ME2: variants seen among roughly 807,000 people sequenced by gnomAD.
ME2 encodes the protein malic enzyme 2, also known as NAD-dependent malic enzyme, mitochondrial.
Under a neutral mutation model 73.7 loss-of-function variants are expected in ME2, and 60 were observed. The ratio of observed to expected loss-of-function variants is 0.81; its 90% CI spans 0.66 to 1.01. The LOEUF (loss-of-function observed/expected upper bound fraction) is 1.01, where lower values mean the gene tolerates loss of function less well. Among genes scored for constraint, ME2 ranks in the 50% least tolerant of loss-of-function variants. ME2 has a pLI of 0.00. For synonymous variants in ME2, 199 were observed against 236.9 expected, an observed-to-expected ratio of 0.84 and a Z score of 1.47; for missense variants, 594 against 705.5, an observed-to-expected ratio of 0.84 and a Z score of 1.79.
intron 2 of ME2, among the ~76,000 whole-genome samples, chr18:50,896,326 TTTATG>T (rs1916744493): frequency 6.6e-6 from 1 of 152,202 alleles, no homozygotes; most frequent in Non-Finnish European, 1.5e-5. Flanking sequence ...GAAATGAACC[TTTATG>T]TAAAGTCCAC....
At chr18:50,892,207 G>A (rs591852) in intron 1 of ME2, among the ~76,000 whole-genome samples, 21,824 of 152,008 alleles carry the variant, frequency 0.14, 2,365 homozygotes, top group African/African-American at 0.31. Context: ...TAACTGTAGT[G>A]GCAAATCCTT....
intron 7 of ME2, 33 bp from the exon 8 acceptor site, chr18:50,920,422 TC>T (rs1568168867): frequency 7.2e-7 from 1 of 1,390,286 alleles, no homozygotes; most frequent in Admixed American, 2.1e-5. Context: ...AGTGTTATTT[TC>T]AACACAACTA....
chr18:50,929,279 G>T (rs1322888043), intron 12 of ME2, among the ~76,000 whole-genome samples: 1 of 151,160 alleles, frequency 6.6e-6, no homozygotes, highest in African/African-American at 2.4e-5. Flanking sequence ...AGGAGTTCAA[G>T]ATCTGCCTGG....
At chr18:50,912,688 T>G in intron 3 of ME2, 113 bp from the exon 4 acceptor site, 1 of 882,614 alleles carries the variant, frequency 1.1e-6, no homozygotes, top group Non-Finnish European at 1.6e-6. Flanking sequence ...TAGAATGTGA[T>G]GTGAGAATGG....
intron 1 of ME2, among the ~76,000 whole-genome samples, chr18:50,888,791 A>G (rs1396204139): frequency 3.9e-5 from 6 of 152,208 alleles, no homozygotes; most frequent in Non-Finnish European, 7.3e-5. Flanking sequence ...GTGGTATTAT[A>G]CTAAATATAT....
At chr18:50,942,327 A>G (rs528798401) in intron 15 of ME2, among the ~76,000 whole-genome samples, 2 of 152,292 alleles carry the variant, frequency 1.3e-5, no homozygotes, top group South Asian at 2.1e-4. Flanking sequence ...TTTGTTTACT[A>G]TCTGACACTG....
rs1019789411 is a variant in ME2, at chr18:50,939,568, A to T, written c.1418-2A>T. 6.2e-7 allele frequency: 1 copy of T among 1,605,188 alleles called. No homozygotes were observed. On this transcript the variant is annotated splice_acceptor_variant, in intron 13 of 15. Coordinates refer to ENST00000321341, the MANE Select transcript of ME2 (RefSeq NM_002396.5). LOFTEE classifies it high-confidence loss of function. ...ACTAGTAAACTTTAAAATGTGTTCTAGGTGTGGCTTTAGCTGTTATTCTCT... is the reference window on the plus strand; with the variant it reads ...ACTAGTAAACTTTAAAATGTGTTCTTGGTGTGGCTTTAGCTGTTATTCTCT...
rs763541212 is a variant in ME2, at chr18:50,940,379, C to G, written c.1580C>G (p.Ala527Gly). Residue 527 changes from alanine to glycine, a missense_variant, in exon 15 of 16, where the codon GCT becomes GGT. Ala to Gly is a moderately conservative substitution (Grantham distance 60, BLOSUM62 0). Coordinates refer to ENST00000321341, the MANE Select transcript of ME2 (RefSeq NM_002396.5). ...ATTCAGGAAGTTTCTATTAACATTG[C>G]TATTAAAGTAAGTAATAACTTAAAC... ...ANIQEVSINI[A>G]IKVTEYLYAN... 1.3e-6 allele frequency: 2 copies of G among 1,575,900 alleles called. No individual in the cohort carries two copies. The highest frequency in any genetic ancestry group is 2.3e-5 in the South Asian group (2 of 87,166).
At chr18:50,926,364 G>A (rs1917553799) in intron 12 of ME2, among the ~76,000 whole-genome samples, 1 of 152,082 alleles carries the variant, frequency 6.6e-6, no homozygotes, top group African/African-American at 2.4e-5. Flanking sequence ...GTAAAAGTTG[G>A]TAAATACTTG....
At chr18:50,902,087 C>T (rs1013243282) in intron 2 of ME2, among the ~76,000 whole-genome samples, 7 of 152,112 alleles carry the variant, frequency 4.6e-5, no homozygotes, top group African/African-American at 1.7e-4. Context: ...CATAGATTGC[C>T]AGAACTAAAA....
chr18:50,900,946 C>T (rs1055200819), intron 2 of ME2, among the ~76,000 whole-genome samples: 5 of 152,140 alleles, frequency 3.3e-5, no homozygotes, highest in Admixed American at 6.5e-5. Context: ...CTTGGTATTT[C>T]GTCATAGCAG....
intron 1 of ME2, among the ~76,000 whole-genome samples, chr18:50,890,086 T>G (rs138664173): frequency 6.6e-6 from 1 of 152,238 alleles, no homozygotes; most frequent in Admixed American, 6.5e-5. Flanking sequence ...TCCTCACTCT[T>G]TGATAGAAAA....
At chr18:50,927,101 A>T (rs1156587711) in intron 12 of ME2, among the ~76,000 whole-genome samples, 1 of 152,208 alleles carries the variant, frequency 6.6e-6, no homozygotes, top group African/African-American at 2.4e-5. Flanking sequence ...TTATAGCCCA[A>T]TTACAAATAT....
At chr18:50,883,141 CAT>C (rs1916363570) in intron 1 of ME2, among the ~76,000 whole-genome samples, 1 of 152,170 alleles carries the variant, frequency 6.6e-6, no homozygotes, top group African/African-American at 2.4e-5. Context: ...CAGTCAAAAA[CAT>C]GTCCTAAACT....
rs761348713 is a variant in ME2, at chr18:50,925,753, C to T, written c.1172-3C>T. On this transcript the variant is annotated splice_polypyrimidine_tract_variant and splice_region_variant and intron_variant, in intron 11 of 15. Transcript: ENST00000321341. ...TGCTGTTTTTCCCCCTTACTTATTA[C>T]AGGAGTTGCAGGTGCTGGCCGTCTT... 12 of 1,613,078 alleles carry T rather than the reference C, an allele frequency of 7.4e-6. No homozygotes were observed. The highest frequency in any genetic ancestry group is 1.1e-5 in the South Asian group (1 of 91,036).
intron 10 of ME2, among the ~76,000 whole-genome samples, chr18:50,921,816 C>T (rs1045771362): frequency 6.6e-6 from 1 of 152,120 alleles, no homozygotes; most frequent in Non-Finnish European, 1.5e-5. Context: ...AGCATGTGCT[C>T]CTGAAACCAA....
In ME2 at chr18:50,939,407, G is replaced by A. The variant is rs186616627; in HGVS notation, c.1418-163G>A. The A allele has an allele frequency of 1.0e-3, 522 of 510,100 alleles. 4 individuals carry two copies. The highest frequency in any genetic ancestry group is 8.9e-3 in the South Asian group (291 of 32,774). The allele number at this position is 510,100 out of a possible 1,614,324, so 31.6% of individuals were successfully genotyped here. Reference sequence around the variant, plus strand: ...TAGCGAATAAGAATTATTAAAGATCGTTTGATTTTAACTCAGATTTCTGTT... The same window carrying A: ...TAGCGAATAAGAATTATTAAAGATCATTTGATTTTAACTCAGATTTCTGTT... On this transcript the variant is annotated intron_variant, in intron 13 of 15. Transcript: ENST00000321341.
At chr18:50,895,552 T>C (rs547891759) in intron 1 of ME2, among the ~76,000 whole-genome samples, 27 of 152,322 alleles carry the variant, frequency 1.8e-4, no homozygotes, top group African/African-American at 6.3e-4. Flanking sequence ...GCCACACTTG[T>C]GTGACTAGAA....
At chr18:50,929,657 A>G (rs906905686) in intron 12 of ME2, among the ~76,000 whole-genome samples, 4 of 152,108 alleles carry the variant, frequency 2.6e-5, no homozygotes, top group African/African-American at 9.7e-5. Flanking sequence ...ATCAATCACA[A>G]AATCACCATA....
Sources: allele counts gnomAD v4.1 joint callset (sites outside exome capture counted in the v4.1 genomes callset), GRCh38; gene constraint gnomAD v4.1.1; transcripts MANE v1.5; gene names NCBI Gene and HGNC (gene_info 2026-07-23, HGNC 2026-07-21).